MEGF8: variants seen among roughly 807,000 people sequenced by gnomAD.
MEGF8 encodes multiple EGF like domains 8, also known as multiple epidermal growth factor-like domains protein 8.
MEGF8 carries 156 observed loss-of-function variants against 302.9 expected under a neutral mutation model. The ratio of observed to expected loss-of-function variants is 0.52; its 90% CI spans 0.45 to 0.59. The LOEUF (loss-of-function observed/expected upper bound fraction) is 0.59. MEGF8 is among the 20% of genes least tolerant of loss of function. The probability of loss-of-function intolerance (pLI) is 0.00; values close to 1 mark genes in which losing one functional copy is unlikely to be tolerated. For synonymous variants in MEGF8, 1,621 were observed against 1,660.5 expected, an observed-to-expected ratio of 0.98 and a Z score of 0.58; for missense variants, 3,345 against 3,964.5, an observed-to-expected ratio of 0.84 and a Z score of 4.20.
Position 42,369,760 on chromosome 19 carries a change from A to G in MEGF8, c.6834+37A>G. ...GGAGCCTCAGACCCCCGACCCTGGG[A>G]CCCAGGCCCTCACTTGCCTTCATCC... On this transcript the variant is annotated intron_variant, in intron 38 of 41. Coordinates refer to ENST00000251268, the MANE Select transcript of MEGF8 (RefSeq NM_001271938.2). This position sits in a 1 kb window ranked among gnomAD's most constrained non-coding sequence, Gnocchi z 5.7. The G allele has an allele frequency of 6.4e-7, 1 of 1,556,854 alleles. No homozygotes were observed. Among genetic ancestry groups the G allele is most frequent in the Non-Finnish European group, 8.7e-7 (1 of 1,153,034 alleles).
At chr19:42,341,527 C>T (rs1439756209) in intron 8 of MEGF8, among the ~76,000 whole-genome samples, 1 of 151,902 alleles carries the variant, frequency 6.6e-6, no homozygotes, top group Non-Finnish European at 1.5e-5. Flanking sequence ...GTCTTGAGCT[C>T]CTAGGCTCAA....
Position 42,355,846 on chromosome 19 carries a change from C to T in MEGF8, c.4233C>T (p.Gly1411=), listed in dbSNP as rs774265168. The T allele has an allele frequency of 6.4e-7, 1 of 1,567,312 alleles. No homozygotes were observed. The highest frequency in any genetic ancestry group is 8.6e-7 in the Non-Finnish European group (1 of 1,156,106). ...GCTCTGCCCGCTGTGGGTCAGGGGGCCCCGGGAGCTGTCCCGTCCCCCAGG... is the reference window on the plus strand; with the variant it reads ...GCTCTGCCCGCTGTGGGTCAGGGGGTCCCGGGAGCTGTCCCGTCCCCCAGG... ...SVGSARCGSG[G]PGSCPVPQEC... Residue 1411 remains glycine, a synonymous_variant, in exon 24 of 42, where the codon GGC becomes GGT. Transcript: ENST00000251268.
chr19:42,342,405 G>A (rs888339342), intron 8 of MEGF8, among the ~76,000 whole-genome samples: 1 of 152,184 alleles, frequency 6.6e-6, no homozygotes, highest in Non-Finnish European at 1.5e-5. Flanking sequence ...TTGGGAGGCC[G>A]AGGCGAGTGG....
At position 42,356,927 on chromosome 19, in the gene MEGF8, C is replaced by T; in HGVS notation, c.4776C>T (p.Val1592=). Residue 1592 remains valine, a synonymous_variant, in exon 27 of 42, where the codon GTC becomes GTT. Transcript: ENST00000251268. This position sits in a 1 kb window ranked among gnomAD's most constrained non-coding sequence, Gnocchi z 5.2. ...YLLGGLTAGG[V]TRDFWVLNLT... ...TGGGGGGACTTACCGCTGGAGGCGTCACCCGTGATTTCTGGGTCCTCAACC... is the reference window on the plus strand; with the variant it reads ...TGGGGGGACTTACCGCTGGAGGCGTTACCCGTGATTTCTGGGTCCTCAACC... 1 of 1,611,026 alleles carries T rather than the reference C, an allele frequency of 6.2e-7. No individual in the cohort carries two copies. Among genetic ancestry groups the T allele is most frequent in the Non-Finnish European group, 8.5e-7 (1 of 1,178,818 alleles).
chr19:42,370,618 G>C, intron 39 of MEGF8, 83 bp from the exon 40 acceptor site: 1 of 1,472,274 alleles, frequency 6.8e-7, no homozygotes, highest in South Asian at 1.3e-5. Context: ...GGGAGGAGTG[G>C]GTAGGAGCCT....
chr19:42,354,555 T>G lies in MEGF8; in HGVS notation c.4012-33T>G. The G allele has an allele frequency of 6.3e-7, 1 of 1,591,094 alleles. No homozygotes were observed. Among genetic ancestry groups the G allele is most frequent in the Non-Finnish European group, 8.6e-7 (1 of 1,164,412 alleles). On this transcript the variant is annotated intron_variant, in intron 22 of 41. Transcript: ENST00000251268. This position sits in a 1 kb window ranked among gnomAD's most constrained non-coding sequence, Gnocchi z 4.3. ...CCCCAGGTGTCGTTCTCATCCTCATTGTCTCCTAATCCTCGATTCTGCACC... is the reference window on the plus strand; with the variant it reads ...CCCCAGGTGTCGTTCTCATCCTCATGGTCTCCTAATCCTCGATTCTGCACC...
In MEGF8 at chr19:42,355,896, C is replaced by T. The variant is rs781043047; in HGVS notation, c.4283C>T (p.Ala1428Val). Residue 1428 changes from alanine (A) to valine (V), a missense_variant, in exon 24 of 42, where the codon GCA becomes GTA. Transcript: ENST00000251268. ...GAATGCGTGCCCCAGGACGGTGCTG[C>T]AGGTGCGGGGCTCTGCCGATGTCCT... ...PQECVPQDGA[A>V]GAGLCRCPQG... is the part of the protein sequence containing the mutation. 1.1e-5 allele frequency: 18 copies of T among 1,586,760 alleles called. No individual in the cohort carries two copies. The highest frequency in any genetic ancestry group is 1.5e-5 in the Non-Finnish European group (17 of 1,167,330).
rs1302692979 is a variant in MEGF8 at position 42,350,158 on chromosome 19, T to C, written c.2510T>C (p.Phe837Ser). ...TGVPGGSEIS[F>S]FFLEPYRSSS... Reference sequence around the variant, plus strand: ...TGACCCCTTCCCCAGGAGATCTCCTTCTTCTTCCTGGAGCCCTACCGCTCG... The same window carrying C: ...TGACCCCTTCCCCAGGAGATCTCCTCCTTCTTCCTGGAGCCCTACCGCTCG... The change falls in exon 15 of 42, where the codon TTC becomes TCC. Residue 837 changes from phenylalanine (F) to serine (S), a missense_variant. Coordinates refer to ENST00000251268, the MANE Select transcript of MEGF8 (RefSeq NM_001271938.2). 6.2e-7 allele frequency: 1 copy of C among 1,611,638 alleles called. No individual in the cohort carries two copies. Among genetic ancestry groups the C allele is most frequent in the Non-Finnish European group, 8.5e-7 (1 of 1,178,274 alleles).
At position 42,333,679 on chromosome 19, in the gene MEGF8, G is replaced by C; in HGVS notation, c.262G>C (p.Val88Leu). The stretch of plus-strand genomic sequence containing the variant: ...AGAGTGCACGTATGACTACCTGTTC[G>C]TGTATGACGGTGACTCCCCGCGAGG... ...DTECTYDYLF[V>L]YDGDSPRGPL... Residue 88 changes from valine (V) to leucine (L), a missense_variant, in exon 2 of 42, where the codon GTG becomes CTG. Physicochemically the swap from Val to Leu is conservative, Grantham distance 32. Transcript: ENST00000251268. The C allele has an allele frequency of 6.2e-7, 1 of 1,613,982 alleles. No homozygotes were observed. The highest frequency in any genetic ancestry group is 1.3e-5 in the African/African-American group (1 of 75,040).
chr19:42,357,245 G>A lies in MEGF8; in HGVS notation c.4831-159G>A, dbSNP rs983895321. 2.0e-5 allele frequency among the ~76,000 whole-genome samples: 3 copies of A among 152,214 alleles called. No homozygotes were observed. Among genetic ancestry groups the A allele is most frequent in the Non-Finnish European group, 4.4e-5 (3 of 68,020 alleles). On this transcript the variant is annotated intron_variant, in intron 27 of 41. Transcript: ENST00000251268. This position sits in a 1 kb window ranked among gnomAD's most constrained non-coding sequence, Gnocchi z 5.2. ...AGGTGGAAATGCCAAGGGGCCCACT[G>A]TGCCTCTGCCAGGACCCAGGCTGGT...
chr19:42,328,950 G>T (rs924154336), intron 1 of MEGF8, among the ~76,000 whole-genome samples: 3 of 152,150 alleles, frequency 2.0e-5, no homozygotes, highest in Non-Finnish European at 4.4e-5. Flanking sequence ...TCAGGGCTAA[G>T]AAGGAAAGTG....
rs1298897705 is a variant in MEGF8, at chr19:42,358,981, G to A, written c.5343+27G>A. The A allele has an allele frequency of 5.6e-6, 9 of 1,600,716 alleles. No homozygotes were observed. Among genetic ancestry groups the A allele is most frequent in the Non-Finnish European group, 6.8e-6 (8 of 1,174,242 alleles). ...TGAGATTTGAAGAGGGTTAGGATTG[G>A]GTGGGCTGGTAGGGGGGGATAGGTA... On this transcript the variant is annotated intron_variant, in intron 30 of 41. Transcript: ENST00000251268. This position sits in a 1 kb window ranked among gnomAD's most constrained non-coding sequence, Gnocchi z 4.4.
chr19:42,375,893 AG>A lies in MEGF8; in HGVS notation c.7660del (p.Ala2554ProfsTer21). Reference protein sequence around the residue: ...PRGAGDPGGAGASSGPGAPAE... With the variant: ...PRGAGDPGGAXASSGPGAPAE... ...GGGGGGCTGGGGATCCAGGAGGAGC[AG>A]GGGCCAGCAGTGGGCCGGGCGCCCC... On this transcript the variant is annotated frameshift_variant, in exon 42 of 42. Transcript: ENST00000251268. LOFTEE classifies it high-confidence loss of function. This position sits in a 1 kb window ranked among gnomAD's most constrained non-coding sequence, Gnocchi z 7.1. 6.2e-7 allele frequency: 1 copy of A among 1,601,258 alleles called. No individual in the cohort carries two copies. The highest frequency in any genetic ancestry group is 8.5e-7 in the Non-Finnish European group (1 of 1,173,580).
rs778280739 is a variant in MEGF8, at chr19:42,356,490, A to G, written c.4622+37A>G. 11 of 1,484,604 alleles carry G rather than the reference A, an allele frequency of 7.4e-6. No homozygotes were observed. The East Asian group carries it at 2.5e-4, about 34-fold the overall frequency. 92.0% of individuals were successfully genotyped at this position (1,484,604 alleles called of 1,614,324 possible). On this transcript the variant is annotated intron_variant, in intron 26 of 41. Coordinates refer to ENST00000251268, the MANE Select transcript of MEGF8 (RefSeq NM_001271938.2). This position sits in a 1 kb window ranked among gnomAD's most constrained non-coding sequence, Gnocchi z 5.2. The stretch of plus-strand genomic sequence containing the variant: ...CCTGGGCAGGTGGGATTCGCAAATA[A>G]GAGAAGGTCACCTCGGGATGCTAAG...
intron 35 of MEGF8, among the ~76,000 whole-genome samples, chr19:42,366,708 C>T (rs2039611876): frequency 6.6e-6 from 1 of 152,212 alleles, no homozygotes; most frequent in Admixed American, 6.5e-5. Flanking sequence ...TATGTTCATA[C>T]ACCTTTTCCA....
At chr19:42,340,788 C>T (rs1216996694) in intron 8 of MEGF8, among the ~76,000 whole-genome samples, 1 of 152,186 alleles carries the variant, frequency 6.6e-6, no homozygotes, top group Admixed American at 6.5e-5. Flanking sequence ...CTGCCTCAGC[C>T]TCCTGAGTAG....
intron 32 of MEGF8, 30 bp from the exon 33 acceptor site, chr19:42,362,058 GGT>G (rs1411621091): frequency 6.2e-7 from 1 of 1,608,334 alleles, no homozygotes; most frequent in East Asian, 2.2e-5. Context: ...GGTCTGGATG[GGT>G]GTGAGTGAGC....
In MEGF8 at chr19:42,357,835, CT is replaced by C. The variant is rs2039474632; in HGVS notation, c.5011+253del. 6.6e-6 allele frequency among the ~76,000 whole-genome samples: 1 copy of C among 152,214 alleles called. No individual in the cohort carries two copies. The highest frequency in any genetic ancestry group is 1.5e-5 in the Non-Finnish European group (1 of 68,028). ...CTGCCCCCAGGGTCTGAGCTCCCTG[CT>C]TCTCAAGGGTTCTTCCTCGATCACA... On this transcript the variant is annotated intron_variant, in intron 28 of 41. Transcript: ENST00000251268. This position sits in a 1 kb window ranked among gnomAD's most constrained non-coding sequence, Gnocchi z 5.2.
In MEGF8 at chr19:42,344,642, C is replaced by T. The variant is rs201297168; in HGVS notation, c.1934-28C>T. 8 of 1,560,862 alleles carry T rather than the reference C, an allele frequency of 5.1e-6. No homozygotes were observed. Among genetic ancestry groups the T allele is most frequent in the Middle Eastern group, 3.5e-4 (2 of 5,636 alleles). On this transcript the variant is annotated intron_variant, in intron 11 of 41. Transcript: ENST00000251268. The surrounding 1 kb of genome is among the most constrained non-coding windows in gnomAD (Gnocchi z 4.5). ...GGGGCCAGAGCACTCCACACTGACC[C>T]ACCGGCCCCCACCCCCTGTCTTCTC...
Sources: gnomAD v4.1 joint callset for allele counts (sites outside exome capture counted in the v4.1 genomes callset) on GRCh38, gnomAD v4.1.1 for gene constraint, Gnocchi (gnomAD v3.1) non-coding constraint, MANE v1.5 for transcripts, NCBI Gene and HGNC (gene_info 2026-07-23, HGNC 2026-07-21) for gene names.